Variants in VPS13B observed in about 807,000 individuals in gnomAD.
VPS13B encodes the protein intermembrane lipid transfer protein VPS13B.
VPS13B carries 285 observed loss-of-function variants against 426.4 expected under a neutral mutation model. That is an observed-to-expected ratio of 0.67 (90% CI 0.61 to 0.74). The LOEUF (loss-of-function observed/expected upper bound fraction) is 0.74. Among genes scored for constraint, VPS13B ranks in the 30% least tolerant of loss-of-function variants. The pLI is 0.00. For missense variants in VPS13B, 4,537 were observed against 4,782.6 expected, an observed-to-expected ratio of 0.95 and a Z score of 1.51; for synonymous variants, 1,676 against 1,676.4, an observed-to-expected ratio of 1.00 and a Z score of 0.01.
At chr8:99,537,836 A>G (rs560917759) in intron 30 of VPS13B, among the ~76,000 whole-genome samples, 1 of 152,328 alleles carries the variant, frequency 6.6e-6, no homozygotes, top group South Asian at 2.1e-4. Context: ...GGTCCAGGTC[A>G]TTAAAGTTCA....
chr8:99,412,695 T>A (rs1259487091), intron 21 of VPS13B, among the ~76,000 whole-genome samples: 1 of 152,206 alleles, frequency 6.6e-6, no homozygotes, highest in Non-Finnish European at 1.5e-5. Flanking sequence ...CAGTATGATA[T>A]TGACTGTGGG....
intron 19 of VPS13B, among the ~76,000 whole-genome samples, chr8:99,363,096 T>C (rs1219228435): frequency 6.6e-6 from 1 of 152,112 alleles, no homozygotes. Flanking sequence ...TTTTGGAGAG[T>C]TTTCTCAGTG....
intron 19 of VPS13B, among the ~76,000 whole-genome samples, chr8:99,316,445 G>T (rs944610217): frequency 1.3e-5 from 2 of 152,176 alleles, no homozygotes; most frequent in Non-Finnish European, 2.9e-5. Context: ...TTTGGGACAT[G>T]GCATAAGCGC....
chr8:99,661,487 A>G lies in VPS13B; in HGVS notation c.6042A>G (p.Gly2014=). The G allele has an allele frequency of 1.9e-6, 3 of 1,612,826 alleles. No homozygotes were observed. The highest frequency in any genetic ancestry group is 1.7e-6 in the Non-Finnish European group (2 of 1,179,674). Residue 2014 remains glycine (G), a synonymous_variant, in exon 35 of 62, where the codon GGA becomes GGG. Coordinates refer to ENST00000357162, the MANE Select transcript of VPS13B (RefSeq NM_152564.5). The part of the protein sequence containing the change: ...ITLQIKDFLN[G]PADVNLDISK... ...TACAGATTAAAGACTTTCTGAATGG[A>G]CCAGGTAAGAAAGTCATAAAATTTA...
At chr8:99,284,917 T>A (rs941931557) in intron 19 of VPS13B, among the ~76,000 whole-genome samples, 7 of 152,212 alleles carry the variant, frequency 4.6e-5, no homozygotes, top group South Asian at 2.1e-4. Context: ...ACTAAGATTG[T>A]TGTGAAGATT....
chr8:99,409,970 G>A (rs1815541367), intron 21 of VPS13B, among the ~76,000 whole-genome samples: 2 of 152,036 alleles, frequency 1.3e-5, no homozygotes, highest in South Asian at 4.1e-4. Context: ...TTTGAGCTAA[G>A]CTATGGGTAT....
intron 14 of VPS13B, among the ~76,000 whole-genome samples, chr8:99,155,542 T>C (rs1274232813): frequency 1.3e-5 from 2 of 152,258 alleles, no homozygotes; most frequent in African/African-American, 4.8e-5. Flanking sequence ...TCTGTGTTAT[T>C]TTTTAGTAAT....
chr8:99,309,541 A>G (rs922424452), intron 19 of VPS13B, among the ~76,000 whole-genome samples: 2 of 152,010 alleles, frequency 1.3e-5, no homozygotes, highest in African/African-American at 4.8e-5. Context: ...ATTGGTCTAT[A>G]TCTCTGTTTT....
In VPS13B at chr8:99,135,099, G is replaced by A. The variant is rs757716941; in HGVS notation, c.1387G>A (p.Val463Ile). ...RAMCLKGIMG[V>I]KDFEENMNRS... ...CATGTGCCTTAAAGGAATTATGGGT[G>A]TTAAAGATTTTGAAGAGAATATGAA... The change falls in exon 10 of 62, where the codon GTT (valine) becomes ATT (isoleucine). Residue 463 changes from valine to isoleucine, a missense_variant. Transcript: ENST00000357162. 6.2e-7 allele frequency: 1 copy of A among 1,613,542 alleles called. No individual in the cohort carries two copies. Among genetic ancestry groups the A allele is most frequent in the South Asian group, 1.1e-5 (1 of 91,066 alleles).
intron 33 of VPS13B, among the ~76,000 whole-genome samples, chr8:99,600,223 C>G (rs1827217643): frequency 6.6e-6 from 1 of 152,104 alleles, no homozygotes; most frequent in Non-Finnish European, 1.5e-5. Flanking sequence ...TTCATAATCA[C>G]TCTCTGAATT....
At chr8:99,089,627 A>T (rs760755989) in intron 3 of VPS13B, among the ~76,000 whole-genome samples, 41 of 152,216 alleles carry the variant, frequency 2.7e-4, no homozygotes, top group Non-Finnish European at 5.6e-4. Flanking sequence ...GGAGTGTCTG[A>T]GTTCAGATAA....
rs544891960 is a variant in VPS13B, at chr8:99,632,655, A to G, written c.5221-9156A>G. On this transcript the variant is annotated intron_variant, in intron 33 of 61. Transcript: ENST00000357162. ...AGCAGAGAAGAACAAAGTATTTGTA[A>G]TGGAAAAGAAGAATTGGCTGCAGGG... 9.2e-5 allele frequency among the ~76,000 whole-genome samples: 14 copies of G among 152,114 alleles called. No individual in the cohort carries two copies. The South Asian group carries it at 2.7e-3, about 29-fold the overall frequency.
At chr8:99,860,751 C>T (rs1017183663) in intron 57 of VPS13B, among the ~76,000 whole-genome samples, 4 of 152,336 alleles carry the variant, frequency 2.6e-5, no homozygotes, top group East Asian at 1.9e-4. Flanking sequence ...CGCTCAGTTT[C>T]GCTCACTAAG....
chr8:99,200,699 A>G (rs769022212), intron 17 of VPS13B, among the ~76,000 whole-genome samples: 3 of 152,048 alleles, frequency 2.0e-5, no homozygotes, highest in Admixed American at 6.6e-5. Context: ...TATCTCTTCT[A>G]TGGAGAAATT....
At chr8:99,379,208 T>A (rs1181574330) in intron 19 of VPS13B, among the ~76,000 whole-genome samples, 1 of 152,090 alleles carries the variant, frequency 6.6e-6, no homozygotes, top group African/African-American at 2.4e-5. Context: ...ACCCCCCAAA[T>A]CCGTGGAAAA....
chr8:99,145,271 A>C (rs1167613667), intron 13 of VPS13B, among the ~76,000 whole-genome samples: 1 of 152,166 alleles, frequency 6.6e-6, no homozygotes, highest in Non-Finnish European at 1.5e-5. Context: ...ATATGTTTTC[A>C]TTTTAAAAAA....
At chr8:99,796,816 T>A (rs1812850131) in intron 43 of VPS13B, 1 of 152,208 alleles carries the variant, frequency 6.6e-6, no homozygotes, top group Non-Finnish European at 1.5e-5. Flanking sequence ...TTGGTTCTCA[T>A]CCACGTGATC....
intron 42 of VPS13B, among the ~76,000 whole-genome samples, chr8:99,780,153 C>T (rs541591502): frequency 4.0e-5 from 6 of 151,898 alleles, no homozygotes; most frequent in East Asian, 1.9e-4. Flanking sequence ...AAAGGACATG[C>T]GTAAAATAAG....
intron 19 of VPS13B, among the ~76,000 whole-genome samples, chr8:99,353,739 T>A (rs553805857): frequency 1.3e-3 from 194 of 152,284 alleles, no homozygotes; most frequent in Non-Finnish European, 2.2e-3. Flanking sequence ...TTTGCCAAAA[T>A]TCTGTTTTCC....
Sources: allele counts gnomAD v4.1 joint callset (sites outside exome capture counted in the v4.1 genomes callset), GRCh38; gene constraint gnomAD v4.1.1; transcripts MANE v1.5; gene names NCBI Gene and HGNC (gene_info 2026-07-23, HGNC 2026-07-21).